The following CCDC138 variants were observed in gnomAD, a reference collection of about 807,000 sequenced individuals.
The protein encoded by CCDC138 is coiled-coil domain containing 138.
Under a neutral mutation model 82.3 loss-of-function variants are expected in CCDC138, and 66 were observed. The observed-to-expected ratio is 0.80, with a 90% CI of 0.66 to 0.98. CCDC138 has a LOEUF of 0.98. Ranked by LOEUF, CCDC138 falls within the 50% of genes least tolerant of loss-of-function variation. CCDC138 has a pLI of 0.00. For missense variants in CCDC138, 816 were observed against 758.9 expected, an observed-to-expected ratio of 1.08 and a Z score of -0.88; for synonymous variants, 297 against 265.4, an observed-to-expected ratio of 1.12 and a Z score of -1.16.
intron 10 of CCDC138, among the ~76,000 whole-genome samples, chr2:108,831,798 T>A (rs1002728078): frequency 6.6e-6 from 1 of 151,730 alleles, no homozygotes; most frequent in Non-Finnish European, 1.5e-5. Flanking sequence ...AATGGCATGA[T>A]CTCGGCCCAC....
At chr2:108,838,656 A>G (rs1265841034) in intron 10 of CCDC138, among the ~76,000 whole-genome samples, 2 of 152,208 alleles carry the variant, frequency 1.3e-5, no homozygotes, top group Non-Finnish European at 2.9e-5. Flanking sequence ...TTTATAAATT[A>G]GCATATTAAG....
intron 10 of CCDC138, among the ~76,000 whole-genome samples, chr2:108,828,793 A>G (rs1687063430): frequency 6.6e-6 from 1 of 152,168 alleles, no homozygotes. Context: ...CCTGGCCAAC[A>G]TAGTGAAACC....
At chr2:108,792,321 G>A (rs192481435) in intron 4 of CCDC138, among the ~76,000 whole-genome samples, 233 of 152,180 alleles carry the variant, frequency 1.5e-3, no homozygotes, top group Admixed American at 2.7e-3. Context: ...CCTCTCCTTT[G>A]TTTTCCTTTG....
intron 12 of CCDC138, among the ~76,000 whole-genome samples, chr2:108,852,766 A>C (rs1691728311): frequency 6.6e-6 from 1 of 152,126 alleles, no homozygotes; most frequent in Non-Finnish European, 1.5e-5. Flanking sequence ...GGGAGGAGGG[A>C]CAGGATCAGG....
intron 10 of CCDC138, among the ~76,000 whole-genome samples, chr2:108,830,056 T>G (rs1381799997): frequency 5.9e-5 from 9 of 152,138 alleles, no homozygotes; most frequent in Non-Finnish European, 1.2e-4. Flanking sequence ...AAACAAGATG[T>G]GGTATATACA....
intron 11 of CCDC138, among the ~76,000 whole-genome samples, chr2:108,845,072 T>G (rs1690216549): frequency 6.6e-6 from 1 of 152,098 alleles, no homozygotes; most frequent in South Asian, 2.1e-4. Context: ...GTTTATTTTT[T>G]CATTATAAAA....
chr2:108,826,695 A>G (rs765317742), intron 10 of CCDC138, among the ~76,000 whole-genome samples: 7 of 152,140 alleles, frequency 4.6e-5, no homozygotes, highest in Non-Finnish European at 7.4e-5. Flanking sequence ...GAATCTTCCA[A>G]CTTTGTCCTT....
chr2:108,789,079 A>G (rs751397085), intron 3 of CCDC138, 113 bp downstream of exon 3: 32 of 950,040 alleles, frequency 3.4e-5, no homozygotes, highest in Non-Finnish European at 4.3e-5. Flanking sequence ...TATGAGGACA[A>G]GTATAAGGCA....
chr2:108,876,136 A>C lies in CCDC138; in HGVS notation c.1881A>C (p.Gln627His). The C allele has an allele frequency of 6.2e-7, 1 of 1,609,146 alleles. No homozygotes were observed. The highest frequency in any genetic ancestry group is 8.5e-7 in the Non-Finnish European group (1 of 1,175,638). The change falls in exon 15 of 15, where the codon CAA (glutamine) becomes CAC (histidine). Residue 627 changes from glutamine (Q) to histidine (H), a missense_variant. Physicochemically the swap from Gln to His is conservative, Grantham distance 24. Coordinates refer to ENST00000295124, the MANE Select transcript of CCDC138 (RefSeq NM_144978.3). ...FELFTIHLML[Q>H]EIQRTTNPEH... ...TTTTTACGATTCATCTGATGCTTCAAGAAATACAAAGGACAACAAACCCAG... is the reference window on the plus strand; with the variant it reads ...TTTTTACGATTCATCTGATGCTTCACGAAATACAAAGGACAACAAACCCAG...
intron 3 of CCDC138, chr2:108,791,416 A>G (rs968496178): frequency 1.1e-5 from 5 of 452,614 alleles, no homozygotes; most frequent in African/African-American, 4.1e-5. Context: ...CCTTAGCTGT[A>G]GAATATACCA....
chr2:108,790,408 C>A (rs973662475), intron 3 of CCDC138, among the ~76,000 whole-genome samples: 1 of 152,106 alleles, frequency 6.6e-6, no homozygotes, highest in African/African-American at 2.4e-5. Flanking sequence ...TAGTTGTGAT[C>A]TGGTCTGAAA....
chr2:108,832,436 C>G (rs1394017314), intron 10 of CCDC138, among the ~76,000 whole-genome samples: 1 of 148,926 alleles, frequency 6.7e-6, no homozygotes, highest in East Asian at 2.0e-4. Context: ...CAACCTCTGC[C>G]TCCCAAGTTC....
At chr2:108,854,709 C>T (rs1262259988) in intron 12 of CCDC138, among the ~76,000 whole-genome samples, 2 of 152,124 alleles carry the variant, frequency 1.3e-5, no homozygotes, top group Non-Finnish European at 2.9e-5. Flanking sequence ...CTGGGCTCGG[C>T]TGGGCTTGGT....
In CCDC138 at chr2:108,798,480, G is replaced by T. The variant is rs147076589; in HGVS notation, c.629G>T (p.Arg210Leu). The T allele has an allele frequency of 1.3e-5, 21 of 1,613,704 alleles. No individual in the cohort carries two copies. Among genetic ancestry groups the T allele is most frequent in the East Asian group, 2.2e-5 (1 of 44,860 alleles). ...KFAEELQKRE[R>L]FLLEREQLLF... ...GCTGAAGAACTTCAAAAGCGAGAAC[G>T]TTTTTTACTTGAAAGAGAACAACTG... Residue 210 changes from arginine (R) to leucine (L), a missense_variant, in exon 6 of 15, where the codon CGT (arginine) becomes CTT (leucine). Transcript: ENST00000295124.
At chr2:108,847,105 G>A (rs1245828869) in intron 12 of CCDC138, among the ~76,000 whole-genome samples, 175 bp downstream of exon 12, 1 of 152,200 alleles carries the variant, frequency 6.6e-6, no homozygotes, top group Non-Finnish European at 1.5e-5. Context: ...AGAAATTGAA[G>A]TCTTTAGTTG....
At chr2:108,825,970 A>G (rs1470147453) in intron 10 of CCDC138, among the ~76,000 whole-genome samples, 1 of 152,196 alleles carries the variant, frequency 6.6e-6, no homozygotes, top group African/African-American at 2.4e-5. Context: ...TGAAGTGGTC[A>G]ATCATTATGG....
chr2:108,860,950 T>TTTTTTTTG (rs1458667730), intron 13 of CCDC138, among the ~76,000 whole-genome samples: 4 of 141,880 alleles, frequency 2.8e-5, no homozygotes, highest in Non-Finnish European at 6.2e-5. Context: ...TTTTTTTTTT[T>TTTTTTTTG]TTTTTTTTGG....
intron 10 of CCDC138, among the ~76,000 whole-genome samples, chr2:108,833,630 A>G (rs1325925325): frequency 6.6e-6 from 1 of 152,228 alleles, no homozygotes; most frequent in East Asian, 1.9e-4. Context: ...CAGGCCAAAA[A>G]GCAAAGTGAA....
intron 3 of CCDC138, among the ~76,000 whole-genome samples, chr2:108,789,605 C>T (rs973789081): frequency 1.3e-5 from 2 of 152,014 alleles, no homozygotes; most frequent in Admixed American, 6.6e-5. Context: ...AAAGAAAAAA[C>T]GAACTACAAA....
Sources: gnomAD v4.1 joint callset for allele counts (sites outside exome capture counted in the v4.1 genomes callset) on GRCh38, gnomAD v4.1.1 for gene constraint, MANE v1.5 for transcripts, NCBI Gene and HGNC (gene_info 2026-07-23, HGNC 2026-07-21) for gene names.